The following WNT4 variants were observed in gnomAD, a reference collection of about 807,000 sequenced individuals.
The protein encoded by WNT4 is Wnt family member 4.
A neutral mutation model predicts 34.5 loss-of-function variants in WNT4; 16 were observed. The ratio of observed to expected loss-of-function variants is 0.46; its 90% CI spans 0.31 to 0.70. The LOEUF (loss-of-function observed/expected upper bound fraction) is 0.70, where lower values mean the gene tolerates loss of function less well. WNT4 is among the 30% of genes least tolerant of loss of function. WNT4 has a pLI of 0.04. For synonymous variants in WNT4, 200 were observed against 211.9 expected (o/e 0.94, Z 0.49); for missense variants, 379 against 495.9 (o/e 0.76, Z 2.24).
intron 2 of WNT4, among the ~76,000 whole-genome samples, chr1:22,121,869 G>C (rs985586560): frequency 6.6e-6 from 1 of 152,190 alleles, no homozygotes; most frequent in East Asian, 1.9e-4. Context: ...ACAGAGGCTC[G>C]GGGGCTTTTC....
At chr1:22,123,033 G>T (rs1351315372) in intron 2 of WNT4, among the ~76,000 whole-genome samples, 1 of 152,262 alleles carries the variant, frequency 6.6e-6, no homozygotes, top group Non-Finnish European at 1.5e-5. Flanking sequence ...GTTAATCGAG[G>T]TTAATAGCAG....
chr1:22,132,072 C>T (rs1463329153), intron 1 of WNT4, among the ~76,000 whole-genome samples: 1 of 152,230 alleles, frequency 6.6e-6, no homozygotes, highest in Non-Finnish European at 1.5e-5. Context: ...TGCTCTTGGC[C>T]TGCAGGGGGC....
At chr1:22,127,387 G>A (rs779216610) in intron 2 of WNT4, 5 of 533,238 alleles carry the variant, frequency 9.4e-6, no homozygotes, top group Non-Finnish European at 1.5e-5. Context: ...ATTGCCCCAG[G>A]CTACCTCCTT....
chr1:22,134,183 T>C lies in WNT4; in HGVS notation c.78-4332A>G, dbSNP rs1418485328. On this transcript the variant is annotated intron_variant, in intron 1 of 4. Coordinates refer to ENST00000290167, the MANE Select transcript of WNT4 (RefSeq NM_030761.5). The surrounding 1 kb of genome is among the most constrained non-coding windows in gnomAD (Gnocchi z 4.1). ...GCCCCCTCCCTTTGGCCTCCCTGCC[T>C]GCCTGGGCCACATTTAGAGCCTCCT... Among the ~76,000 whole-genome samples the C allele has an allele frequency of 6.6e-6, 1 of 152,162 alleles. No individual in the cohort carries two copies. Among genetic ancestry groups the C allele is most frequent in the African/African-American group, 2.4e-5 (1 of 41,458 alleles).
chr1:22,133,690 G>A (rs536842158), intron 1 of WNT4, among the ~76,000 whole-genome samples: 1 of 152,294 alleles, frequency 6.6e-6, no homozygotes, highest in South Asian at 2.1e-4. Context: ...CAGGACTCTC[G>A]CCATGGCCAT....
rs1158846819 is a variant in WNT4 at position 22,118,844 on chromosome 1, T to A, written c.*1206A>T. 7 of 152,252 alleles carry A rather than the reference T, an allele frequency of 4.6e-5. No individual in the cohort carries two copies. The highest frequency in any genetic ancestry group is 7.3e-5 in the Non-Finnish European group (5 of 68,080). 9.4% of individuals were successfully genotyped at this position (152,252 alleles called of 1,614,324 possible). On this transcript the variant is annotated 3_prime_UTR_variant, in exon 5 of 5. Coordinates refer to ENST00000290167, the MANE Select transcript of WNT4 (RefSeq NM_030761.5). ...GGACTCTTCTGGCCCTGCCTGTCCA[T>A]CCAGCTTGCTGTGAGAGGTCTGGGG...
At chr1:22,138,984 A>G (rs1021857511) in intron 1 of WNT4, among the ~76,000 whole-genome samples, 1 of 152,204 alleles carries the variant, frequency 6.6e-6, no homozygotes, top group African/African-American at 2.4e-5. Context: ...CAGGGCACGG[A>G]AAGGTGCTCC....
chr1:22,130,012 G>A (rs890605027), intron 1 of WNT4, among the ~76,000 whole-genome samples, 161 bp from the exon 2 acceptor site: 2 of 152,180 alleles, frequency 1.3e-5, no homozygotes, highest in Non-Finnish European at 1.5e-5. Context: ...CCTCTTGCCC[G>A]GCTCTAGGGG....
At chr1:22,129,564 C>T in intron 2 of WNT4, 52 bp downstream of exon 2, 1 of 1,574,680 alleles carries the variant, frequency 6.4e-7, no homozygotes, top group Non-Finnish European at 8.6e-7. Context: ...CCTGCTGGGC[C>T]CATGCCCTGG....
chr1:22,133,541 G>A (rs904526790), intron 1 of WNT4, among the ~76,000 whole-genome samples: 2 of 152,234 alleles, frequency 1.3e-5, no homozygotes, highest in Non-Finnish European at 2.9e-5. Context: ...GGGCGTGATG[G>A]GTGGGCCGGG....
intron 2 of WNT4, among the ~76,000 whole-genome samples, chr1:22,128,581 C>G (rs1645957697): frequency 6.6e-6 from 1 of 152,224 alleles, no homozygotes; most frequent in Non-Finnish European, 1.5e-5. Flanking sequence ...CCAGCCCCAG[C>G]CAGGGGTGGT....
chr1:22,136,320 C>T (rs543613543), intron 1 of WNT4, among the ~76,000 whole-genome samples: 32 of 152,272 alleles, frequency 2.1e-4, no homozygotes, highest in South Asian at 1.0e-3. Context: ...TAGACCCATC[C>T]GACCTGTGTC....
At chr1:22,130,305 C>T (rs1645973600) in intron 1 of WNT4, among the ~76,000 whole-genome samples, 2 of 152,092 alleles carry the variant, frequency 1.3e-5, no homozygotes, top group South Asian at 4.1e-4. Flanking sequence ...CTTGGCTGAT[C>T]TTCTGGCCAC....
In WNT4 at chr1:22,134,145, C is replaced by T. The variant is rs536785084; in HGVS notation, c.78-4294G>A. On this transcript the variant is annotated intron_variant, in intron 1 of 4. Coordinates refer to ENST00000290167, the MANE Select transcript of WNT4 (RefSeq NM_030761.5). This position sits in a 1 kb window ranked among gnomAD's most constrained non-coding sequence, Gnocchi z 4.1. ...GTCCAGGTGGGGGCTGGGACGCCAG[C>T]GCAGGCCTCTCTGCCCCCTCCCTTT... 4.0e-4 allele frequency among the ~76,000 whole-genome samples: 61 copies of T among 152,316 alleles called. No homozygotes were observed. The highest frequency in any genetic ancestry group is 1.4e-3 in the African/African-American group (57 of 41,580).
chr1:22,121,515 C>G lies in WNT4; in HGVS notation c.375G>C (p.Thr125=). ...CCAGCTCCCCACTGCTGCACGCCCGCGTCACTGCAAAGGCCACACCTGCCG... is the reference window on the plus strand; with the variant it reads ...CCAGCTCCCCACTGCTGCACGCCCGGGTCACTGCAAAGGCCACACCTGCCG... ...ISSAGVAFAV[T]RACSSGELEK... Residue 125 remains threonine, a synonymous_variant, in exon 3 of 5, where the codon ACG becomes ACC. Transcript: ENST00000290167. 1 of 1,614,044 alleles carries G rather than the reference C, an allele frequency of 6.2e-7. No homozygotes were observed. Among genetic ancestry groups the G allele is most frequent in the East Asian group, 2.2e-5 (1 of 44,872 alleles).
At chr1:22,129,589 C>G in intron 2 of WNT4, 27 bp downstream of exon 2, 1 of 1,604,676 alleles carries the variant, frequency 6.2e-7, no homozygotes, top group Non-Finnish European at 8.5e-7. Flanking sequence ...GCAGGCTCCC[C>G]TGCAGCCCCG....
chr1:22,131,253 G>A (rs1313582353), intron 1 of WNT4, among the ~76,000 whole-genome samples: 10 of 152,210 alleles, frequency 6.6e-5, no homozygotes, highest in Admixed American at 3.3e-4. Flanking sequence ...GTTTGCAGGC[G>A]GCAGCTAAAT....
At chr1:22,136,870 C>T (rs967532228) in intron 1 of WNT4, among the ~76,000 whole-genome samples, 7 of 152,166 alleles carry the variant, frequency 4.6e-5, no homozygotes, top group South Asian at 4.1e-4. Flanking sequence ...CTTGGGTTGC[C>T]GGAACAGCTG....
At chr1:22,122,326 A>G (rs992202601) in intron 2 of WNT4, among the ~76,000 whole-genome samples, 1 of 151,976 alleles carries the variant, frequency 6.6e-6, no homozygotes, top group African/African-American at 2.4e-5. Context: ...TCAGCCGGGG[A>G]AGGGATTTGG....
Sources: allele counts gnomAD v4.1 joint callset (sites outside exome capture counted in the v4.1 genomes callset), GRCh38; gene constraint gnomAD v4.1.1; non-coding constraint Gnocchi (gnomAD v3.1); transcripts MANE v1.5; gene names NCBI Gene and HGNC (gene_info 2026-07-23, HGNC 2026-07-21).